Variants in ARVCF observed in about 807,000 individuals in gnomAD.
ARVCF encodes ARVCF delta catenin family member, also known as splicing regulator ARVCF.
ARVCF carries 66 observed loss-of-function variants against 90.9 expected under a neutral mutation model. The observed-to-expected ratio is 0.73, with a 90% CI of 0.60 to 0.89. The LOEUF is 0.89. Ranked by LOEUF, ARVCF falls within the 40% of genes least tolerant of loss-of-function variation. The pLI is 0.00. For missense variants in ARVCF, 1,469 were observed against 1,382.3 expected, an observed-to-expected ratio of 1.06 and a Z score of -1.00; for synonymous variants, 653 against 603.4, an observed-to-expected ratio of 1.08 and a Z score of -1.21.
intron 12 of ARVCF, 43 bp from the exon 13 acceptor site, chr22:19,973,836 C>T: frequency 1.3e-6 from 2 of 1,576,542 alleles, no homozygotes; most frequent in Admixed American, 1.7e-5. Context: ...ACATGCCAGG[C>T]ACTCTCCCAC....
rs1278909700 is a variant in ARVCF at position 19,979,176 on chromosome 22, G to A, written c.1397-96C>T. On this transcript the variant is annotated intron_variant, in intron 6 of 19. Coordinates refer to ENST00000263207, the MANE Select transcript of ARVCF (RefSeq NM_001670.3). ...TCAGGACCTGTCCCACTCTCCTCATGTCCCAGCTCATGCAGAACAGTAGGA... is the reference window on the plus strand; with the variant it reads ...TCAGGACCTGTCCCACTCTCCTCATATCCCAGCTCATGCAGAACAGTAGGA... The A allele has an allele frequency of 2.3e-6, 3 of 1,326,398 alleles. No individual in the cohort carries two copies. In the African/African-American group the frequency reaches 4.4e-5, roughly 19 times the overall value. 82.2% of individuals were successfully genotyped at this position (1,326,398 alleles called of 1,614,324 possible).
intron 18 of ARVCF, 99 bp from the exon 19 acceptor site, chr22:19,971,434 G>A: frequency 1.4e-6 from 2 of 1,408,638 alleles, no homozygotes; most frequent in South Asian, 1.4e-5. Flanking sequence ...GCGATGTAAG[G>A]GTTGGCCTGC....
chr22:19,990,496 G>T, intron 3 of ARVCF, 89 bp downstream of exon 3: 1 of 1,426,078 alleles, frequency 7.0e-7, no homozygotes, highest in Non-Finnish European at 9.5e-7. Flanking sequence ...TGCAATAAGC[G>T]AGCGCATGCT....
intron 2 of ARVCF, among the ~76,000 whole-genome samples, chr22:20,003,460 A>G (rs73150842): frequency 0.045 from 6,920 of 152,142 alleles, 228 homozygotes; most frequent in Middle Eastern, 0.095. Flanking sequence ...AAAATTCTCA[A>G]AACAAACAAA....
rs763994428 is a variant in ARVCF at position 19,971,928 on chromosome 22, G to A, written c.2739C>T (p.Gly913=). 3.5e-5 allele frequency: 57 copies of A among 1,612,802 alleles called. 1 individual carries two copies. The East Asian group carries it at 8.9e-4, about 25-fold the overall frequency. Residue 913 remains glycine (G), a synonymous_variant, in exon 18 of 20, where the codon GGC becomes GGT. Coordinates refer to ENST00000263207, the MANE Select transcript of ARVCF (RefSeq NM_001670.3). ...TVDRRERRPR[G]ASSAGEASEK... is the part of the protein sequence containing the mutation. ...CAGAGGCCTCTCCTGCAGAGCTGGC[G>A]CCCCGTGGCCTCCGCTCCCTCCGGT...
rs1169569630 is a variant in ARVCF, at chr22:19,972,039, C to T, written c.2696-68G>A. On this transcript the variant is annotated intron_variant, in intron 17 of 19. Transcript: ENST00000263207. ...AGGCCCTGTAGGAGCAGATCTCCCT[C>T]TCAGCCCAGACACAGGGGACTCGTG... 2.1e-6 allele frequency: 3 copies of T among 1,426,604 alleles called. No homozygotes were observed. In the East Asian group the frequency reaches 6.8e-5, roughly 33 times the overall value. 88.4% of individuals were successfully genotyped at this position (1,426,604 alleles called of 1,614,324 possible).
At chr22:19,986,282 GC>G (rs2146349538) in intron 3 of ARVCF, among the ~76,000 whole-genome samples, 1 of 152,342 alleles carries the variant, frequency 6.6e-6, no homozygotes, top group Admixed American at 6.5e-5. Context: ...ACAGGCAGGG[GC>G]CTAGTTGCCC....
At chr22:19,967,417 A>G (rs1192662957), downstream of ARVCF, 3 of 470,824 alleles carry the variant, frequency 6.4e-6, no homozygotes, top group South Asian at 1.6e-5. Context: ...CTAAATGAAA[A>G]CACATCATGA....
In ARVCF at chr22:19,982,085, T is replaced by C. The variant is rs1943538109; in HGVS notation, c.217A>G (p.Ser73Gly). The C allele has an allele frequency of 1.2e-6, 2 of 1,611,132 alleles. No homozygotes were observed. The highest frequency in any genetic ancestry group is 2.2e-5 in the East Asian group (1 of 44,836). Residue 73 changes from serine to glycine, a missense_variant, in exon 4 of 20, where the codon AGC (serine) becomes GGC (glycine). Ser to Gly is a moderately conservative substitution (Grantham distance 56). Transcript: ENST00000263207. The stretch of plus-strand genomic sequence containing the variant: ...GCCAGTGAGGCCTGGCTGCCTGGGC[T>C]CTGCTCCTGGGGCAAGGAGGGACAT... The part of the protein sequence containing the change: ...AWQQLVLQEQ[S>G]PGSQASLATM...
downstream of ARVCF, chr22:19,967,367 G>A (rs776764330): frequency 3.7e-5 from 19 of 507,744 alleles, no homozygotes; most frequent in African/African-American, 1.6e-4. Context: ...TTTGTTCTAC[G>A]TCTTTTCAGC....
rs764727969 is a variant in ARVCF, at chr22:20,004,264, AT to A, written c.-19+6190del. Reference sequence around the variant, plus strand: ...ATATCCCATGTTCATGGCTGGGAAGATTTACCACTGTCACAATGACGATACT... The same window carrying A: ...ATATCCCATGTTCATGGCTGGGAAGATTACCACTGTCACAATGACGATACT... On this transcript the variant is annotated intron_variant, in intron 2 of 19. Coordinates refer to ENST00000263207, the MANE Select transcript of ARVCF (RefSeq NM_001670.3). Among the ~76,000 whole-genome samples the A allele has an allele frequency of 3.9e-5, 6 of 152,178 alleles. No individual in the cohort carries two copies. In the East Asian group the frequency reaches 9.6e-4, roughly 24 times the overall value.
At chr22:19,989,611 T>C (rs1943951163) in intron 3 of ARVCF, among the ~76,000 whole-genome samples, 1 of 151,700 alleles carries the variant, frequency 6.6e-6, no homozygotes, top group Non-Finnish European at 1.5e-5. Context: ...GTCCCCAGAG[T>C]CAGGGCCCAG....
In ARVCF at chr22:19,981,260, C is replaced by A; in HGVS notation, c.847G>T (p.Gly283Cys). The change falls in exon 5 of 20, where the codon GGC (glycine) becomes TGC (cysteine). Residue 283 changes from glycine to cysteine, a missense_variant. Gly to Cys is a radical substitution (Grantham distance 159). Transcript: ENST00000263207. ...TCAGGCCTCCTCCTTGTGGCCGTGC[C>A]ATAGTCAGGCTCCAGCTCAGGGCCA... ...EGGPELEPDYGTATRRRPECG... is the reference protein window; with the variant it reads ...EGGPELEPDYCTATRRRPECG... The A allele has an allele frequency of 3.8e-6, 6 of 1,566,030 alleles. No individual in the cohort carries two copies. The highest frequency in any genetic ancestry group is 2.4e-5 in the East Asian group (1 of 41,722).
chr22:19,987,297 G>A, intron 3 of ARVCF: 1 of 266,460 alleles, frequency 3.8e-6, no homozygotes, highest in Middle Eastern at 1.1e-3. Context: ...GGGCGTGGCG[G>A]GCGGGGGGCG....
At position 19,990,295 on chromosome 22, in the gene ARVCF, C is replaced by A. The variant is rs577304204; in HGVS notation, c.210+290G>T. On this transcript the variant is annotated intron_variant, in intron 3 of 19. Coordinates refer to ENST00000263207, the MANE Select transcript of ARVCF (RefSeq NM_001670.3). ...GGCAAACCCCTAAAGTGTCTCTAGG[C>A]AGACCAAAGAGCTGCCCAGAACAGA... Among the ~76,000 whole-genome samples the A allele has an allele frequency of 1.9e-4, 29 of 152,292 alleles. No homozygotes were observed. In the South Asian group the frequency reaches 6.0e-3, roughly 32 times the overall value.
chr22:19,984,738 C>T (rs1001148313), intron 3 of ARVCF, among the ~76,000 whole-genome samples: 1 of 152,232 alleles, frequency 6.6e-6, no homozygotes, highest in African/African-American at 2.4e-5. Context: ...CACACATCCT[C>T]CCGTCCTCCA....
At position 19,978,780 on chromosome 22, in the gene ARVCF, CT is replaced by C. The variant is rs1430096863; in HGVS notation, c.1580+116del. 7.1e-6 allele frequency: 9 copies of C among 1,260,862 alleles called. No homozygotes were observed. In the African/African-American group the frequency reaches 1.1e-4, roughly 15 times the overall value. 78.1% of individuals were successfully genotyped at this position (1,260,862 alleles called of 1,614,324 possible). A position where few individuals can be genotyped will look rare whatever the true frequency, so the allele number is the denominator to read the frequency against. On this transcript the variant is annotated intron_variant, in intron 7 of 19. Transcript: ENST00000263207. Reference sequence around the variant, plus strand: ...CTCATCCACAGGACTTGTGCCACAGCTCTGAAGCTCCTAAGCTCTGGCGCTC... The same window carrying C: ...CTCATCCACAGGACTTGTGCCACAGCCTGAAGCTCCTAAGCTCTGGCGCTC...
In ARVCF at chr22:19,970,032, G is replaced by A; in HGVS notation, c.*724C>T. 1.0e-5 allele frequency: 10 copies of A among 985,592 alleles called. No individual in the cohort carries two copies. The South Asian group carries it at 1.9e-4, about 19-fold the overall frequency. 61.1% of individuals were successfully genotyped at this position (985,592 alleles called of 1,614,324 possible). On this transcript the variant is annotated 3_prime_UTR_variant, in exon 20 of 20. Transcript: ENST00000263207. ...GAGTCACGAACAGCAGGCACTGAAA[G>A]CAGTCCCCCAGCCACTGCCGAAGGT... is the stretch of plus-strand genomic sequence containing the variant.
chr22:19,975,799 G>A, intron 10 of ARVCF, 42 bp from the exon 11 acceptor site: 1 of 1,599,534 alleles, frequency 6.3e-7, no homozygotes, highest in Non-Finnish European at 8.6e-7. Flanking sequence ...GACCCCATAT[G>A]GGGAATGGGT....
Sources: gnomAD v4.1 joint callset for allele counts (sites outside exome capture counted in the v4.1 genomes callset) on GRCh38, gnomAD v4.1.1 for gene constraint, MANE v1.5 for transcripts, NCBI Gene and HGNC (gene_info 2026-07-23, HGNC 2026-07-21) for gene names.